The following EPB41L2 variants were observed in gnomAD, a reference collection of about 807,000 sequenced individuals.
The protein encoded by EPB41L2 is erythrocyte membrane protein band 4.1 like 2, also known as band 4.1-like protein 2.
In EPB41L2, 43 loss-of-function variants were observed where a neutral mutation model predicts 113.0. The observed-to-expected ratio is 0.38, with a 90% confidence interval of 0.30 to 0.49. The LOEUF (loss-of-function observed/expected upper bound fraction) is 0.49. Ranked by LOEUF, EPB41L2 falls within the 20% of genes least tolerant of loss-of-function variation. The pLI is 0.95. For missense variants in EPB41L2, 1,147 were observed against 1,223.4 expected, an observed-to-expected ratio of 0.94 and a Z score of 0.93; for synonymous variants, 442 against 436.7, an observed-to-expected ratio of 1.01 and a Z score of -0.15.
chr6:130,862,299 AGAG>A, intron 18 of EPB41L2, among the ~76,000 whole-genome samples: 1 of 89,398 alleles, frequency 1.1e-5, no homozygotes, highest in Admixed American at 1.2e-4. Context: ...TTCAATGGGG[AGAG>A]GGGGGTGGAA....
chr6:130,846,583 T>A (rs182743130), intron 19 of EPB41L2, among the ~76,000 whole-genome samples: 2 of 152,344 alleles, frequency 1.3e-5, no homozygotes, highest in Admixed American at 1.3e-4. Flanking sequence ...CTACAAATAA[T>A]TCAGCAAAAT....
intron 18 of EPB41L2, among the ~76,000 whole-genome samples, chr6:130,861,875 A>C (rs188325501): frequency 0.059 from 4,011 of 68,172 alleles, 231 homozygotes; most frequent in East Asian, 0.5. Flanking sequence ...CCATCTCCCC[A>C]AAAAAAAAAA....
At chr6:130,888,745 C>T (rs116145902) in intron 11 of EPB41L2, among the ~76,000 whole-genome samples, 61 of 152,272 alleles carry the variant, frequency 4.0e-4, no homozygotes, top group African/African-American at 1.4e-3. Context: ...TGGAAAAGTG[C>T]TCAGTTGTTG....
At chr6:130,929,894 C>CACACACACACAT (rs1233663542) in intron 3 of EPB41L2, among the ~76,000 whole-genome samples, 1 of 114,372 alleles carries the variant, frequency 8.7e-6, no homozygotes, top group African/African-American at 2.6e-5. Flanking sequence ...CACACACACA[C>CACACACACACAT]ACATACACGC....
intron 19 of EPB41L2, among the ~76,000 whole-genome samples, chr6:130,853,306 G>A (rs578200673): frequency 6.6e-6 from 1 of 152,310 alleles, no homozygotes; most frequent in East Asian, 1.9e-4. Flanking sequence ...CTCCTGTGAA[G>A]TCTGGGTTGG....
At chr6:130,863,563 A>G (rs1782809090) in intron 18 of EPB41L2, 75 bp downstream of exon 18, 2 of 1,036,992 alleles carry the variant, frequency 1.9e-6, no homozygotes, top group African/African-American at 1.6e-5. Flanking sequence ...TTACACAGGT[A>G]TGCGACATGA....
chr6:130,940,904 G>A (rs1810624255), intron 3 of EPB41L2, among the ~76,000 whole-genome samples: 1 of 151,984 alleles, frequency 6.6e-6, no homozygotes, highest in Non-Finnish European at 1.5e-5. Context: ...TTATCAATTT[G>A]ACTCATATGT....
In EPB41L2 at chr6:130,855,415, C is replaced by T. The variant is rs188940983; in HGVS notation, c.*5+2716G>A. 4.7e-3 allele frequency among the ~76,000 whole-genome samples: 710 copies of T among 152,150 alleles called. 2 individuals are homozygous for T. Among genetic ancestry groups the T allele is most frequent in the Non-Finnish European group, 8.0e-3 (543 of 67,984 alleles). ...TCTCAAAGATAAAAAGATCAATATCCACATACAGCACAGTACATTTACTCA... is the reference window on the plus strand; with the variant it reads ...TCTCAAAGATAAAAAGATCAATATCTACATACAGCACAGTACATTTACTCA... On this transcript the variant is annotated intron_variant, in intron 19 of 19. Transcript: ENST00000337057.
intron 14 of EPB41L2, among the ~76,000 whole-genome samples, chr6:130,873,466 G>GTTT (rs34408511): frequency 6.8e-6 from 1 of 147,766 alleles, no homozygotes; most frequent in Non-Finnish European, 1.5e-5. Flanking sequence ...CACTATTCAG[G>GTTT]TTTTTTTTTT....
chr6:130,953,219 T>C (rs955147032), intron 3 of EPB41L2, among the ~76,000 whole-genome samples: 3 of 152,000 alleles, frequency 2.0e-5, no homozygotes, highest in African/African-American at 4.8e-5. Context: ...CAAAAAACCA[T>C]TCTGTCCCTT....
At chr6:130,956,825 A>C (rs1487598713) in intron 1 of EPB41L2, among the ~76,000 whole-genome samples, 1 of 152,226 alleles carries the variant, frequency 6.6e-6, no homozygotes, top group East Asian at 1.9e-4. Context: ...TATAAACAAT[A>C]ATTGATATCT....
chr6:131,058,832 A>G (rs1798102179), intron 1 of EPB41L2, among the ~76,000 whole-genome samples: 1 of 152,212 alleles, frequency 6.6e-6, no homozygotes, highest in Admixed American at 6.5e-5. Flanking sequence ...CCTGGTCAAC[A>G]TGGTGAAACC....
intron 13 of EPB41L2, 61 bp downstream of exon 13, chr6:130,880,083 C>G: frequency 7.7e-7 from 1 of 1,304,026 alleles, no homozygotes; most frequent in South Asian, 1.2e-5. Context: ...TAGGCGTGAC[C>G]TCCCGTCCAC....
At chr6:130,904,706 GAAAT>G (rs1439551620) in intron 5 of EPB41L2, among the ~76,000 whole-genome samples, 166 bp from the exon 6 acceptor site, 2 of 151,740 alleles carry the variant, frequency 1.3e-5, no homozygotes, top group Non-Finnish European at 2.9e-5. Context: ...AAATAAAAAT[GAAAT>G]AAAAAATAAA....
rs368000876 is a variant in EPB41L2 at position 130,869,785 on chromosome 6, G to T, written c.2385C>A (p.Pro795=). Residue 795 remains proline (P), a synonymous_variant, in exon 15 of 20, where the codon CCC becomes CCA. Transcript: ENST00000337057. ...CTGCTTGTGTGACTGGGCTGGCTTC[G>T]GGCACTGCTTCCTCCCTCTCTACTA... ...AKVVEREEAV[P]EASPVTQAGA... 1.9e-6 allele frequency: 3 copies of T among 1,613,784 alleles called. No homozygotes were observed. The African/African-American group carries it at 4.0e-5, about 22-fold the overall frequency.
chr6:130,885,264 C>A lies in EPB41L2; in HGVS notation c.1665G>T (p.Pro555=). The A allele has an allele frequency of 1.9e-6, 3 of 1,613,964 alleles. No homozygotes were observed. Among genetic ancestry groups the A allele is most frequent in the South Asian group, 1.1e-5 (1 of 91,070 alleles). ...TAAGACTTTGGTCCATGACACCAAT[C>A]GGAGCTAGTAAAGAGTGACAATTTT... ...KRVSRSLDGA[P]IGVMDQSLMK... Residue 555 remains proline (P), a synonymous_variant, in exon 12 of 20, where the codon CCG becomes CCT. Transcript: ENST00000337057.
chr6:130,843,075 CAAG>C (rs1776004349), intron 19 of EPB41L2, among the ~76,000 whole-genome samples: 2 of 152,268 alleles, frequency 1.3e-5, no homozygotes, highest in South Asian at 4.1e-4. Flanking sequence ...CGTGGATGAA[CAAG>C]AAGTAACTTA....
At chr6:130,928,242 A>G (rs1382239504) in intron 3 of EPB41L2, among the ~76,000 whole-genome samples, 1 of 152,366 alleles carries the variant, frequency 6.6e-6, no homozygotes, top group Admixed American at 6.5e-5. Flanking sequence ...TTAAAAGTAT[A>G]TACAAATACA....
intron 4 of EPB41L2, among the ~76,000 whole-genome samples, chr6:130,921,508 C>T (rs2128541347): frequency 6.6e-6 from 1 of 152,310 alleles, no homozygotes; most frequent in Non-Finnish European, 1.5e-5. Flanking sequence ...GGAACTGCCA[C>T]ATCCTCCAGC....
Sources: gnomAD v4.1 joint callset for allele counts (sites outside exome capture counted in the v4.1 genomes callset) on GRCh38, gnomAD v4.1.1 for gene constraint, MANE v1.5 for transcripts, NCBI Gene and HGNC (gene_info 2026-07-23, HGNC 2026-07-21) for gene names.